MAPKAP1: variants seen among roughly 807,000 people sequenced by gnomAD.
The protein encoded by MAPKAP1 is target of rapamycin complex 2 subunit MAPKAP1.
MAPKAP1 carries 20 observed loss-of-function variants against 65.7 expected under a neutral mutation model. That is an observed-to-expected ratio of 0.30 (90% CI 0.21 to 0.44). The LOEUF is 0.44. Among genes scored for constraint, MAPKAP1 ranks in the 20% least tolerant of loss-of-function variants. The probability of loss-of-function intolerance (pLI) is 1.00; values close to 1 mark genes in which losing one functional copy is unlikely to be tolerated. For missense variants in MAPKAP1, 423 were observed against 648.0 expected, an observed-to-expected ratio of 0.65 and a Z score of 3.77; for synonymous variants, 222 against 244.3, an observed-to-expected ratio of 0.91 and a Z score of 0.85.
At chr9:125,576,188 T>C (rs575676457) in intron 5 of MAPKAP1, among the ~76,000 whole-genome samples, 4 of 152,282 alleles carry the variant, frequency 2.6e-5, no homozygotes, top group East Asian at 3.9e-4. Flanking sequence ...TAGGGTTGAA[T>C]AGATGGAGCA....
chr9:125,483,610 C>T (rs1173915123), intron 9 of MAPKAP1, among the ~76,000 whole-genome samples: 1 of 152,224 alleles, frequency 6.6e-6, no homozygotes, highest in Non-Finnish European at 1.5e-5. Flanking sequence ...CATTCTTCCT[C>T]TCCCTCGGCC....
At chr9:125,500,459 C>T (rs1313035910) in intron 8 of MAPKAP1, among the ~76,000 whole-genome samples, 2 of 151,896 alleles carry the variant, frequency 1.3e-5, no homozygotes, top group Non-Finnish European at 2.9e-5. Context: ...TCCCAAAGTG[C>T]TGGGATTACA....
At chr9:125,630,169 A>G (rs1833238109) in intron 4 of MAPKAP1, among the ~76,000 whole-genome samples, 1 of 152,228 alleles carries the variant, frequency 6.6e-6, no homozygotes, top group African/African-American at 2.4e-5. Flanking sequence ...TCGGTCACCC[A>G]GGCTGGAGTG....
chr9:125,554,817 A>AAAAAAAT, intron 6 of MAPKAP1, among the ~76,000 whole-genome samples: 1 of 144,266 alleles, frequency 6.9e-6, no homozygotes. Flanking sequence ...AAAAAAAAAA[A>AAAAAAAT]GCATTTTCTA....
chr9:125,469,844 C>G (rs1853831821), intron 9 of MAPKAP1, among the ~76,000 whole-genome samples: 1 of 152,154 alleles, frequency 6.6e-6, no homozygotes, highest in African/African-American at 2.4e-5. Context: ...TACACTCTTG[C>G]CTCCAATTTG....
chr9:125,654,757 T>A (rs572844389), intron 4 of MAPKAP1, among the ~76,000 whole-genome samples: 56 of 152,328 alleles, frequency 3.7e-4, no homozygotes, highest in Admixed American at 2.7e-3. Flanking sequence ...CCAGTTGGCA[T>A]GAACTGTTAA....
chr9:125,490,338 G>C (rs1564529116), intron 8 of MAPKAP1, among the ~76,000 whole-genome samples: 1 of 152,094 alleles, frequency 6.6e-6, no homozygotes, highest in Non-Finnish European at 1.5e-5. Context: ...TCAAGAGTTC[G>C]AGACCAGCCT....
chr9:125,584,074 AAAAG>A (rs945923690), intron 5 of MAPKAP1, among the ~76,000 whole-genome samples: 3 of 152,148 alleles, frequency 2.0e-5, no homozygotes, highest in Non-Finnish European at 4.4e-5. Flanking sequence ...AAAAAAAAAA[AAAAG>A]AATTACTTCA....
At chr9:125,446,530 GACATCCCT>G (rs1291931422) in intron 10 of MAPKAP1, among the ~76,000 whole-genome samples, 6 of 152,146 alleles carry the variant, frequency 3.9e-5, no homozygotes, top group Non-Finnish European at 8.8e-5. Flanking sequence ...TCTTGTCGGT[GACATCCCT>G]GTGTGGAGGA....
chr9:125,577,089 G>A (rs1349513941), intron 5 of MAPKAP1, among the ~76,000 whole-genome samples: 3 of 151,018 alleles, frequency 2.0e-5, no homozygotes, highest in African/African-American at 4.9e-5. Context: ...CCTCTTCCCG[G>A]CCGCCATCCC....
chr9:125,569,296 T>C (rs557896305), intron 5 of MAPKAP1, among the ~76,000 whole-genome samples: 10 of 152,212 alleles, frequency 6.6e-5, no homozygotes, highest in Non-Finnish European at 1.0e-4. Flanking sequence ...AAGCTCAAAA[T>C]GAACTACTCT....
chr9:125,594,661 T>TA (rs1212376783), intron 4 of MAPKAP1, among the ~76,000 whole-genome samples: 1 of 152,170 alleles, frequency 6.6e-6, no homozygotes, highest in Non-Finnish European at 1.5e-5. Context: ...TGCACAGACT[T>TA]ACAGTTTCAC....
chr9:125,552,265 TC>T (rs1251804977), intron 6 of MAPKAP1, among the ~76,000 whole-genome samples: 1 of 152,198 alleles, frequency 6.6e-6, no homozygotes, highest in Non-Finnish European at 1.5e-5. Context: ...CCATTCTCCT[TC>T]CCTGAACAAC....
At chr9:125,513,314 G>GTT (rs1829362937) in intron 7 of MAPKAP1, 1 of 149,094 alleles carries the variant, frequency 6.7e-6, no homozygotes, top group Non-Finnish European at 1.5e-5. Flanking sequence ...ATAAGAACAA[G>GTT]TTTGAGAATC....
At chr9:125,577,118 G>T (rs1254972659) in intron 5 of MAPKAP1, among the ~76,000 whole-genome samples, 1 of 151,282 alleles carries the variant, frequency 6.6e-6, no homozygotes, top group Admixed American at 6.6e-5. Flanking sequence ...AGTGAGGAGC[G>T]TCTCTGCCCG....
chr9:125,441,557 ATTGT>A (rs1486465904), intron 11 of MAPKAP1, among the ~76,000 whole-genome samples: 1 of 152,176 alleles, frequency 6.6e-6, no homozygotes, highest in Non-Finnish European at 1.5e-5. Flanking sequence ...TTTGTTCATG[ATTGT>A]TTATTTGACA....
At chr9:125,487,368 C>T (rs1854529942) in intron 8 of MAPKAP1, among the ~76,000 whole-genome samples, 1 of 152,090 alleles carries the variant, frequency 6.6e-6, no homozygotes, top group African/African-American at 2.4e-5. Context: ...ACTGCCAAAA[C>T]ATGTTTTATT....
At chr9:125,456,628 C>G (rs950412747) in intron 10 of MAPKAP1, among the ~76,000 whole-genome samples, 1 of 152,236 alleles carries the variant, frequency 6.6e-6, no homozygotes, top group African/African-American at 2.4e-5. Flanking sequence ...TGCTAGCACT[C>G]TCTCACTCTT....
At chr9:125,520,320 G>GCAGCACT (rs1469632915) in intron 7 of MAPKAP1, among the ~76,000 whole-genome samples, 1 of 152,152 alleles carries the variant, frequency 6.6e-6, no homozygotes, top group East Asian at 1.9e-4. Context: ...TGCTTTCTAA[G>GCAGCACT]CAGCACTCGG....
Sources: allele counts gnomAD v4.1 joint callset (sites outside exome capture counted in the v4.1 genomes callset), GRCh38; gene constraint gnomAD v4.1.1; transcripts MANE v1.5; gene names NCBI Gene and HGNC (gene_info 2026-07-23, HGNC 2026-07-21).